Variants in LOXL2 observed in about 807,000 individuals in gnomAD.
LOXL2 encodes the protein lysyl oxidase homolog 2.
A neutral mutation model predicts 93.0 loss-of-function variants in LOXL2; 70 were observed. The observed-to-expected ratio is 0.75, with a 90% CI of 0.62 to 0.92. The LOEUF (loss-of-function observed/expected upper bound fraction) is 0.92. Ranked by LOEUF, LOXL2 falls within the 40% of genes least tolerant of loss-of-function variation. LOXL2 has a pLI of 0.00. For synonymous variants in LOXL2, 438 were observed against 413.2 expected (o/e 1.06, Z -0.73); for missense variants, 973 against 1,054.9 (o/e 0.92, Z 1.08).
At chr8:23,324,380 AG>A (rs1803545877) in intron 6 of LOXL2, among the ~76,000 whole-genome samples, 1 of 152,214 alleles carries the variant, frequency 6.6e-6, no homozygotes, top group Admixed American at 6.5e-5. Context: ...GGTGCGTCCA[AG>A]GAAGGGCACA....
chr8:23,361,383 T>C (rs1022864646), intron 2 of LOXL2, among the ~76,000 whole-genome samples: 1 of 152,172 alleles, frequency 6.6e-6, no homozygotes, highest in African/African-American at 2.4e-5. Context: ...CCAGCCAGAC[T>C]GGCCCACGGA....
chr8:23,301,900 G>A lies in LOXL2; in HGVS notation c.2133+127C>T. 10 of 1,166,696 alleles carry A rather than the reference G, an allele frequency of 8.6e-6. No individual in the cohort carries two copies. The South Asian group carries it at 8.8e-5, about 10-fold the overall frequency. The allele number at this position is 1,166,696 out of a possible 1,614,324, so 72.3% of individuals were successfully genotyped here. ...CTGATGGACCGTGATGGCCTCTGGGGGTAGCACCTTGCCCTTTAGACAGCC... is the reference window on the plus strand; with the variant it reads ...CTGATGGACCGTGATGGCCTCTGGGAGTAGCACCTTGCCCTTTAGACAGCC... On this transcript the variant is annotated intron_variant, in intron 12 of 13. Coordinates refer to ENST00000389131, the MANE Select transcript of LOXL2 (RefSeq NM_002318.3).
chr8:23,397,808 G>A (rs1341451676), intron 1 of LOXL2, among the ~76,000 whole-genome samples: 1 of 148,336 alleles, frequency 6.7e-6, no homozygotes, highest in Non-Finnish European at 1.5e-5. Flanking sequence ...AAAGAAATAT[G>A]CTTTTCCGTG....
rs774478852 is a variant in LOXL2 at position 23,322,228 on chromosome 8, T to C, written c.1204A>G (p.Ile402Val). 12 of 1,614,096 alleles carry C rather than the reference T, an allele frequency of 7.4e-6. No homozygotes were observed. Among genetic ancestry groups the C allele is most frequent in the African/African-American group, 6.7e-5 (5 of 74,954 alleles). Residue 402 changes from isoleucine (I) to valine (V), a missense_variant, in exon 7 of 14, where the codon ATT becomes GTT. Ile to Val is a conservative substitution (Grantham distance 29). Coordinates refer to ENST00000389131, the MANE Select transcript of LOXL2 (RefSeq NM_002318.3). The part of the protein sequence containing the change: ...EIQCTGNEKS[I>V]IDCKFNAESQ... ...TCGGCATTGAACTTGCAGTCTATAA[T>C]GGACTTCTCATTGCCTGTGCACTGG... is the stretch of plus-strand genomic sequence containing the variant.
Position 23,372,322 on chromosome 8 carries a change from A to G in LOXL2, c.-83-3888T>C, listed in dbSNP as rs1804509432. On this transcript the variant is annotated intron_variant, in intron 1 of 13. Coordinates refer to ENST00000389131, the MANE Select transcript of LOXL2 (RefSeq NM_002318.3). ...AACCACTGCCTCCTGGGTTCAAGCG[A>G]TTCTCCTGCCTTAGCCCCTCGAGTA... Among the ~76,000 whole-genome samples, 6 of 151,552 alleles carry G rather than the reference A, an allele frequency of 4.0e-5. No individual in the cohort carries two copies. In the South Asian group the frequency reaches 8.4e-4, roughly 21 times the overall value.
At chr8:23,366,560 C>T (rs1804404634) in intron 2 of LOXL2, among the ~76,000 whole-genome samples, 1 of 152,244 alleles carries the variant, frequency 6.6e-6, no homozygotes, top group African/African-American at 2.4e-5. Flanking sequence ...TGGGCTCCAG[C>T]CCAGACCTTT....
chr8:23,363,919 G>C (rs1804347520), intron 2 of LOXL2: 1 of 152,248 alleles, frequency 6.6e-6, no homozygotes, highest in Non-Finnish European at 1.5e-5. Flanking sequence ...CTGTCACTCA[G>C]GCTGGAGTGC....
intron 9 of LOXL2, among the ~76,000 whole-genome samples, chr8:23,310,749 C>T (rs1286058238): frequency 1.3e-5 from 2 of 152,250 alleles, no homozygotes; most frequent in African/African-American, 4.8e-5. Flanking sequence ...CCACAGGACA[C>T]ACTGCTGCCC....
Position 23,360,118 on chromosome 8 carries a change from A to G in LOXL2, c.503T>C (p.Phe168Ser), listed in dbSNP as rs572008070. Residue 168 changes from phenylalanine (F) to serine (S), a missense_variant, in exon 3 of 14, where the codon TTT becomes TCT. Physicochemically the swap from Phe to Ser is radical, Grantham distance 155 (BLOSUM62 -2). Transcript: ENST00000389131. Reference protein sequence around the residue: ...CSDKRIPGFKFDNSLINQIEN... With the variant: ...CSDKRIPGFKSDNSLINQIEN... Reference sequence around the variant, plus strand: ...TATCTGGTTGATCAACGAATTGTCAAATTTGAACCCAGGAATCCTTTTGTC... The same window carrying G: ...TATCTGGTTGATCAACGAATTGTCAGATTTGAACCCAGGAATCCTTTTGTC... 1.4e-5 allele frequency: 23 copies of G among 1,607,690 alleles called. No homozygotes were observed. In the South Asian group the frequency reaches 2.5e-4, roughly 18 times the overall value.
chr8:23,358,416 A>G (rs1246471523), intron 3 of LOXL2, among the ~76,000 whole-genome samples: 1 of 152,260 alleles, frequency 6.6e-6, no homozygotes, highest in Non-Finnish European at 1.5e-5. Context: ...CAGTCTTGGG[A>G]GAACTTCCTC....
At chr8:23,349,274 T>G (rs2117192268) in intron 3 of LOXL2, among the ~76,000 whole-genome samples, 1 of 152,332 alleles carries the variant, frequency 6.6e-6, no homozygotes, top group Non-Finnish European at 1.5e-5. Context: ...TTCATCCTCT[T>G]TGACCACAGT....
chr8:23,371,576 C>G (rs549719022), intron 1 of LOXL2, among the ~76,000 whole-genome samples: 1 of 151,576 alleles, frequency 6.6e-6, no homozygotes, highest in African/African-American at 2.4e-5. Flanking sequence ...CACGGTGAAA[C>G]CCCGTCTCTA....
chr8:23,339,171 G>A (rs971558152), intron 4 of LOXL2, among the ~76,000 whole-genome samples: 2 of 152,090 alleles, frequency 1.3e-5, no homozygotes, highest in African/African-American at 4.8e-5. Context: ...TCCCAGAGAC[G>A]AACACAAAAT....
chr8:23,400,586 T>C (rs1304454106), intron 1 of LOXL2, among the ~76,000 whole-genome samples: 1 of 152,170 alleles, frequency 6.6e-6, no homozygotes, highest in Admixed American at 6.5e-5. Flanking sequence ...AATAAAGTCA[T>C]GCATAAACTA....
At chr8:23,398,179 T>C (rs1800117491) in intron 1 of LOXL2, among the ~76,000 whole-genome samples, 1 of 152,136 alleles carries the variant, frequency 6.6e-6, no homozygotes, top group Non-Finnish European at 1.5e-5. Context: ...AGAAAGATAT[T>C]ATAAAGAAAC....
chr8:23,324,636 C>T (rs1340733114), intron 6 of LOXL2, among the ~76,000 whole-genome samples: 1 of 152,182 alleles, frequency 6.6e-6, no homozygotes, highest in Non-Finnish European at 1.5e-5. Context: ...GTGCCTTCCC[C>T]GTCTCCACCT....
intron 6 of LOXL2, among the ~76,000 whole-genome samples, chr8:23,327,434 A>C (rs1299911491): frequency 6.6e-6 from 1 of 152,166 alleles, no homozygotes; most frequent in Non-Finnish European, 1.5e-5. Flanking sequence ...AACATCTGAC[A>C]CTATGGAAAT....
At chr8:23,368,494 GA>G (rs1219175575) in intron 1 of LOXL2, 60 bp from the exon 2 acceptor site, 50 of 682,360 alleles carry the variant, frequency 7.3e-5, no homozygotes, top group Non-Finnish European at 1.2e-4. Context: ...CCTACATAGA[GA>G]ACCAGCGATT....
chr8:23,364,803 C>G (rs1473054127), intron 2 of LOXL2: 1 of 152,270 alleles, frequency 6.6e-6, no homozygotes, highest in African/African-American at 2.4e-5. Context: ...GATCCCACCA[C>G]TGCACTCCAG....
Sources: gnomAD v4.1 joint callset for allele counts (sites outside exome capture counted in the v4.1 genomes callset) on GRCh38, gnomAD v4.1.1 for gene constraint, MANE v1.5 for transcripts, NCBI Gene and HGNC (gene_info 2026-07-23, HGNC 2026-07-21) for gene names.